Variants in MYH6 observed in about 807,000 individuals in gnomAD.
The protein encoded by MYH6 is myosin heavy chain 6, also known as myosin-6.
MYH6 carries 126 observed loss-of-function variants against 223.2 expected under a neutral mutation model. The observed-to-expected ratio is 0.56, with a 90% CI of 0.49 to 0.65. The LOEUF is 0.65. Ranked by LOEUF, MYH6 falls within the 30% of genes least tolerant of loss-of-function variation. The probability of loss-of-function intolerance (pLI) is 0.00; values close to 1 mark genes in which losing one functional copy is unlikely to be tolerated. For synonymous variants in MYH6, 978 were observed against 1,010.2 expected, an observed-to-expected ratio of 0.97 and a Z score of 0.61; for missense variants, 2,040 against 2,536.4, an observed-to-expected ratio of 0.80 and a Z score of 4.20.
At chr14:23,400,513 C>T (rs1156880645) in intron 13 of MYH6, 87 bp from the exon 14 acceptor site, 13 of 1,605,496 alleles carry the variant, frequency 8.1e-6, no homozygotes, top group Admixed American at 6.8e-5. Context: ...CCGAGCCCAG[C>T]AGGGTATGGC....
chr14:23,386,026 C>T lies in MYH6; in HGVS notation c.5065G>A (p.Glu1689Lys), dbSNP rs2138584199. 1 of 1,614,232 alleles carries T rather than the reference C, an allele frequency of 6.2e-7. No homozygotes were observed. The highest frequency in any genetic ancestry group is 2.2e-5 in the East Asian group (1 of 44,876). Reference sequence around the variant, plus strand: ...GTCTGCTCCACCACGGCACGCAGCTCCTCCAGCTCAGCCTGCAGCAGGTTG... The same window carrying T: ...GTCTGCTCCACCACGGCACGCAGCTTCTCCAGCTCAGCCTGCAGCAGGTTG... ...RNNLLQAELE[E>K]LRAVVEQTER... The change falls in exon 34 of 39, where the codon GAG (glutamate) becomes AAG (lysine). Residue 1689 changes from glutamate to lysine, a missense_variant. This residue lies in a region of MYH6 where 1,203 missense variants were observed against 1,400.2 expected (regional missense o/e 0.86). Coordinates refer to ENST00000405093, the MANE Select transcript of MYH6 (RefSeq NM_002471.4).
chr14:23,386,522 C>T lies in MYH6; in HGVS notation c.4752G>A (p.Glu1584=), dbSNP rs2032606465. The change falls in exon 33 of 39, where the codon GAG becomes GAA. Residue 1584 remains glutamate, a synonymous_variant. Coordinates refer to ENST00000405093, the MANE Select transcript of MYH6 (RefSeq NM_002471.4). ...GGTGGTTGCGCTTGGCCTGTTCCAT[C>T]TCCTCGTCCTTCTCTGCCAGCTTCC... ...IERKLAEKDE[E]MEQAKRNHQR... The T allele has an allele frequency of 6.2e-7, 1 of 1,614,126 alleles. No homozygotes were observed. The highest frequency in any genetic ancestry group is 1.3e-5 in the African/African-American group (1 of 75,014).
Position 23,396,437 on chromosome 14 carries a change from G to A in MYH6, c.2293-17C>T. On this transcript the variant is annotated splice_polypyrimidine_tract_variant and intron_variant, in intron 19 of 38. Coordinates refer to ENST00000405093, the MANE Select transcript of MYH6 (RefSeq NM_002471.4). ...GAAGAACACCTGCAGGCAAGGGGTA[G>A]ATGCAACAGGCCGCAGCCTCAGAGG... 1 of 1,613,102 alleles carries A rather than the reference G, an allele frequency of 6.2e-7. No homozygotes were observed. Among genetic ancestry groups the A allele is most frequent in the Non-Finnish European group, 8.5e-7 (1 of 1,179,966 alleles).
intron 8 of MYH6, 89 bp downstream of exon 8, chr14:23,404,207 C>T: frequency 4.2e-6 from 6 of 1,429,644 alleles, no homozygotes; most frequent in Non-Finnish European, 5.9e-6. Context: ...AAGCCAGATA[C>T]AGTACAATCA....
At chr14:23,385,887 C>T in intron 34 of MYH6, 41 bp downstream of exon 34, 1 of 1,613,876 alleles carries the variant, frequency 6.2e-7, no homozygotes, top group Non-Finnish European at 8.5e-7. Flanking sequence ...CTGGGCTCTG[C>T]ACTCAGTAGG....
At chr14:23,393,233 A>T in intron 23 of MYH6, 109 bp downstream of exon 23, 2 of 1,518,246 alleles carry the variant, frequency 1.3e-6, no homozygotes, top group Non-Finnish European at 1.8e-6. Flanking sequence ...GAGAGCAAAA[A>T]AGCTTCAGGG....
rs1595060560 is a variant in MYH6 at position 23,398,912 on chromosome 14, G to A, written c.1707C>T (p.Asn569=). 1 of 1,614,184 alleles carries A rather than the reference G, an allele frequency of 6.2e-7. No individual in the cohort carries two copies. Among genetic ancestry groups the A allele is most frequent in the South Asian group, 1.1e-5 (1 of 91,082 alleles). Residue 569 remains asparagine (N), a synonymous_variant, in exon 15 of 39, where the codon AAC becomes AAT. Transcript: ENST00000405093. ...GKSNNFQKPR[N]IKGKQEAHFS... is the part of the protein sequence containing the mutation. Reference sequence around the variant, plus strand: ...AGTGGGCTTCCTGCTTCCCCTTGATGTTGCGTGGCTTCTGGAAATTGTTGG... The same window carrying A: ...AGTGGGCTTCCTGCTTCCCCTTGATATTGCGTGGCTTCTGGAAATTGTTGG...
intron 38 of MYH6, 119 bp from the exon 39 acceptor site, chr14:23,382,182 C>T: frequency 8.5e-7 from 1 of 1,181,786 alleles, no homozygotes; most frequent in Non-Finnish European, 1.3e-6. Context: ...AGGCAGGGCC[C>T]CAGGGATCCT....
intron 32 of MYH6, among the ~76,000 whole-genome samples, chr14:23,386,950 G>A (rs1891046147): frequency 6.6e-6 from 1 of 152,118 alleles, no homozygotes; most frequent in Admixed American, 6.5e-5. Context: ...ATTTTATCTT[G>A]TTTTCCAGGT....
chr14:23,390,528 C>G (rs1441179100), intron 25 of MYH6, 82 bp from the exon 26 acceptor site: 20 of 1,557,516 alleles, frequency 1.3e-5, no homozygotes, highest in Admixed American at 1.9e-5. Context: ...CTACCAGGAA[C>G]TTAGGTTCCT....
rs1890912044 is a variant in MYH6 at position 23,383,243 on chromosome 14, C to T, written c.5643G>A (p.Lys1881=). 3 of 1,536,604 alleles carry T rather than the reference C, an allele frequency of 2.0e-6. No homozygotes were observed. The highest frequency in any genetic ancestry group is 2.6e-6 in the Non-Finnish European group (3 of 1,138,730). ...DKLQLKVKAY[K]RQAEEAEEQA... ...AACTCACCGCCTCCTCGGCCTGGCGCTTGTAGGCCTTGACCTTCAGTTGCA... is the reference window on the plus strand; with the variant it reads ...AACTCACCGCCTCCTCGGCCTGGCGTTTGTAGGCCTTGACCTTCAGTTGCA... Residue 1881 remains lysine, a synonymous_variant, in exon 37 of 39, where the codon AAG becomes AAA. Coordinates refer to ENST00000405093, the MANE Select transcript of MYH6 (RefSeq NM_002471.4).
chr14:23,403,227 G>A, intron 10 of MYH6, 121 bp downstream of exon 10: 4 of 858,736 alleles, frequency 4.7e-6, no homozygotes, highest in Non-Finnish European at 8.0e-6. Flanking sequence ...AGTGGAGGGA[G>A]AAGGGAAGTG....
chr14:23,392,811 A>T, intron 24 of MYH6, 101 bp downstream of exon 24: 1 of 1,557,094 alleles, frequency 6.4e-7, no homozygotes, highest in Non-Finnish European at 8.8e-7. Flanking sequence ...TATTCCCAGC[A>T]TACCCAAGGC....
Position 23,389,698 on chromosome 14 carries a change from G to A in MYH6, c.3754C>T (p.Arg1252Trp), listed in dbSNP as rs2138591811. Residue 1252 changes from arginine (R) to tryptophan (W), a missense_variant, in exon 27 of 39, where the codon CGG becomes TGG. Arg to Trp is a moderately radical substitution (Grantham distance 101). Coordinates refer to ENST00000405093, the MANE Select transcript of MYH6 (RefSeq NM_002471.4). ...KAKANLEKVSRTLEDQANEYR... is the reference protein window; with the variant it reads ...KAKANLEKVSWTLEDQANEYR... The stretch of plus-strand genomic sequence containing the variant: ...TCATTGGCCTGGTCCTCCAGCGTCC[G>A]AGACACTTTCTCCAGGTTTGCCTTC... 4.3e-6 allele frequency: 7 copies of A among 1,614,166 alleles called. No individual in the cohort carries two copies. The highest frequency in any genetic ancestry group is 1.7e-5 in the Admixed American group (1 of 60,022).
At position 23,393,378 on chromosome 14, in the gene MYH6, G is replaced by A. The variant is rs781162419; in HGVS notation, c.3069C>T (p.Ser1023=). The part of the protein sequence containing the change: ...QVEEDKVNSL[S]KSKVKLEQQV... Reference sequence around the variant, plus strand: ...GCTGCTCCAGCTTGACCTTAGACTTGGACAGGCTGTTGACCTTGTCTTCCT... The same window carrying A: ...GCTGCTCCAGCTTGACCTTAGACTTAGACAGGCTGTTGACCTTGTCTTCCT... The change falls in exon 23 of 39, where the codon TCC becomes TCT. Residue 1023 remains serine (S), a synonymous_variant. Transcript: ENST00000405093. 6.2e-7 allele frequency: 1 copy of A among 1,614,118 alleles called. No homozygotes were observed. Among genetic ancestry groups the A allele is most frequent in the Non-Finnish European group, 8.5e-7 (1 of 1,180,022 alleles).
intron 15 of MYH6, among the ~76,000 whole-genome samples, chr14:23,397,920 C>T (rs530324743): frequency 5.4e-5 from 7 of 128,474 alleles, no homozygotes; most frequent in African/African-American, 2.4e-4. Context: ...TCTCCTCCTC[C>T]TCCTCCTCCT....
At chr14:23,388,600 C>T (rs754870413) in intron 29 of MYH6, 2 of 857,514 alleles carry the variant, frequency 2.3e-6, no homozygotes, top group African/African-American at 3.3e-5. Flanking sequence ...CTCCTCTGAC[C>T]AACAAGCTTT....
chr14:23,393,878 G>C lies in MYH6; in HGVS notation c.2716C>G (p.Arg906Gly), dbSNP rs143928061. Residue 906 changes from arginine (R) to glycine (G), a missense_variant, in exon 22 of 39, where the codon CGC becomes GGC. By Grantham distance (125) the Arg-to-Gly change is moderately radical. Around this residue, in one of 4 missense-constraint regions of MYH6, gnomAD observed 1,203 missense variants for 1,400.2 expected, o/e 0.86. Coordinates refer to ENST00000405093, the MANE Select transcript of MYH6 (RefSeq NM_002471.4). Reference protein sequence around the residue: ...EQDNLNDAEERCDQLIKNKIQ... With the variant: ...EQDNLNDAEEGCDQLIKNKIQ... Reference sequence around the variant, plus strand: ...TTGTTTTTGATCAGCTGGTCGCAGCGCTCCTCAGCATCATTGAGGTTGTCT... The same window carrying C: ...TTGTTTTTGATCAGCTGGTCGCAGCCCTCCTCAGCATCATTGAGGTTGTCT... 6 of 1,614,178 alleles carry C rather than the reference G, an allele frequency of 3.7e-6. No homozygotes were observed. The highest frequency in any genetic ancestry group is 5.1e-6 in the Non-Finnish European group (6 of 1,180,046).
rs876657875 is a variant in MYH6 at position 23,407,120 on chromosome 14, G to C, written c.104C>G (p.Thr35Ser). ...EAQTRPFDIRTECFVPDDKEE... is the reference protein window; with the variant it reads ...EAQTRPFDIRSECFVPDDKEE... Reference sequence around the variant, plus strand: ...CTTGTCATCGGGCACGAAGCACTCAGTGCGAATGTCAAAGGGCCGGGTCTG... The same window carrying C: ...CTTGTCATCGGGCACGAAGCACTCACTGCGAATGTCAAAGGGCCGGGTCTG... Residue 35 changes from threonine to serine, a missense_variant, in exon 3 of 39, where the codon ACT (threonine) becomes AGT (serine). By Grantham distance (58) the Thr-to-Ser change is moderately conservative. This residue lies in a region of MYH6 where 184 missense variants were observed against 232.4 expected (regional missense o/e 0.79). Transcript: ENST00000405093. The surrounding 1 kb of genome is among the most constrained non-coding windows in gnomAD (Gnocchi z 5.6). The C allele has an allele frequency of 6.2e-7, 1 of 1,614,252 alleles. No individual in the cohort carries two copies. The highest frequency in any genetic ancestry group is 8.5e-7 in the Non-Finnish European group (1 of 1,180,054).
Sources: allele counts gnomAD v4.1 joint callset (sites outside exome capture counted in the v4.1 genomes callset), GRCh38; gene constraint gnomAD v4.1.1; regional missense constraint gnomAD v4.1.1; non-coding constraint Gnocchi (gnomAD v3.1); transcripts MANE v1.5; gene names NCBI Gene and HGNC (gene_info 2026-07-23, HGNC 2026-07-21).